GLI3: variants seen among roughly 807,000 people sequenced by gnomAD.
GLI3 encodes the protein transcription activator GLI3.
A neutral mutation model predicts 100.8 loss-of-function variants in GLI3; 20 were observed. The observed-to-expected ratio is 0.20, with a 90% CI of 0.14 to 0.29. The LOEUF (loss-of-function observed/expected upper bound fraction) is 0.29, where lower values mean the gene tolerates loss of function less well. Among genes scored for constraint, GLI3 ranks in the 10% least tolerant of loss-of-function variants. The probability of loss-of-function intolerance (pLI) is 1.00; values close to 1 mark genes in which losing one functional copy is unlikely to be tolerated. For synonymous variants in GLI3, 938 were observed against 860.5 expected (o/e 1.09, Z -1.58); for missense variants, 2,040 against 2,128.5 (o/e 0.96, Z 0.82).
At chr7:42,123,414 G>A (rs538091944) in intron 3 of GLI3, among the ~76,000 whole-genome samples, 1 of 152,204 alleles carries the variant, frequency 6.6e-6, no homozygotes, top group Admixed American at 6.5e-5. Context: ...TATTTTTGTT[G>A]ACAGTACACA....
chr7:42,172,456 C>T, intron 2 of GLI3: 2 of 638,248 alleles, frequency 3.1e-6, no homozygotes, highest in Non-Finnish European at 5.7e-6. Flanking sequence ...AAAGGATAAA[C>T]TTTTTTACAC....
Position 41,964,988 on chromosome 7 carries a change from C to T in GLI3, c.4085G>A (p.Ser1362Asn). The T allele has an allele frequency of 6.2e-7, 1 of 1,613,836 alleles. No homozygotes were observed. The highest frequency in any genetic ancestry group is 8.5e-7 in the Non-Finnish European group (1 of 1,180,042). ...CATGCCGTGAGCCCCTGGCAGGCAG[C>T]TCTCTGGCCCTTGGTAGATGTTGAT... ...SHINIYQGPE[S>N]CLPGAHGMGS... Residue 1362 changes from serine (S) to asparagine (N), a missense_variant, in exon 15 of 15, where the codon AGC becomes AAC. Physicochemically the swap from Ser to Asn is conservative, Grantham distance 46. This residue lies in a region of GLI3 where 1,041 missense variants were observed against 924.0 expected (regional missense o/e 1.13). Coordinates refer to ENST00000395925, the MANE Select transcript of GLI3 (RefSeq NM_000168.6).
chr7:41,961,715 G>A lies in GLI3; in HGVS notation c.*2615C>T, dbSNP rs910267687. The A allele has an allele frequency of 1.3e-5, 2 of 152,088 alleles. No homozygotes were observed. Among genetic ancestry groups the A allele is most frequent in the African/African-American group, 4.8e-5 (2 of 41,394 alleles). 9.4% of individuals were successfully genotyped at this position (152,088 alleles called of 1,614,324 possible). A position where few individuals can be genotyped will look rare whatever the true frequency, so the allele number is the denominator to read the frequency against. On this transcript the variant is annotated 3_prime_UTR_variant, in exon 15 of 15. Transcript: ENST00000395925. ...GGAGAGAGGCTTGGAGGCTGGGGGTGAGTCTCAAGATATGAGATGCCTAGC... is the reference window on the plus strand; with the variant it reads ...GGAGAGAGGCTTGGAGGCTGGGGGTAAGTCTCAAGATATGAGATGCCTAGC...
chr7:42,017,054 C>T (rs1398094242), intron 10 of GLI3, among the ~76,000 whole-genome samples: 1 of 152,240 alleles, frequency 6.6e-6, no homozygotes, highest in Non-Finnish European at 1.5e-5. Context: ...GGGCTCTGCA[C>T]ATCTCATCAA....
chr7:42,206,253 A>T (rs1788150310), intron 2 of GLI3, among the ~76,000 whole-genome samples: 1 of 151,768 alleles, frequency 6.6e-6, no homozygotes, highest in Non-Finnish European at 1.5e-5. Context: ...GGGCAACAGA[A>T]CGAGACCCCA....
chr7:42,067,482 A>G (rs1784698923), intron 4 of GLI3, among the ~76,000 whole-genome samples: 2 of 152,210 alleles, frequency 1.3e-5, no homozygotes, highest in Non-Finnish European at 2.9e-5. Flanking sequence ...CCATCAGATG[A>G]TAGAGATACT....
At chr7:42,096,434 A>T (rs1413569351) in intron 3 of GLI3, among the ~76,000 whole-genome samples, 2 of 152,194 alleles carry the variant, frequency 1.3e-5, no homozygotes, top group African/African-American at 4.8e-5. Context: ...TCCCACCCCT[A>T]AACAGCAGGC....
intron 4 of GLI3, among the ~76,000 whole-genome samples, chr7:42,051,006 G>T (rs1199155920): frequency 6.6e-6 from 1 of 152,146 alleles, no homozygotes; most frequent in South Asian, 2.1e-4. Context: ...TATCAAGTCT[G>T]ATGTCCCTGT....
intron 6 of GLI3, among the ~76,000 whole-genome samples, chr7:42,041,367 G>T (rs147279016): frequency 6.6e-6 from 1 of 152,198 alleles, no homozygotes; most frequent in Non-Finnish European, 1.5e-5. Flanking sequence ...AAATTTGGTA[G>T]ATATTAGAGA....
chr7:42,147,212 GAA>G (rs1786734942), intron 3 of GLI3, among the ~76,000 whole-genome samples: 1 of 152,182 alleles, frequency 6.6e-6, no homozygotes, highest in Non-Finnish European at 1.5e-5. Flanking sequence ...GCCAACTAAT[GAA>G]GGGATGAAAT....
At chr7:42,019,302 C>A (rs776280495) in intron 10 of GLI3, among the ~76,000 whole-genome samples, 1 of 152,200 alleles carries the variant, frequency 6.6e-6, no homozygotes, top group Non-Finnish European at 1.5e-5. Context: ...CAATGTCATG[C>A]ACAACCAAAG....
intron 2 of GLI3, among the ~76,000 whole-genome samples, chr7:42,219,820 G>T (rs1186288248): frequency 1.3e-5 from 2 of 150,742 alleles, no homozygotes; most frequent in Non-Finnish European, 2.9e-5. Flanking sequence ...GAAAATGCAG[G>T]TATCACATTC....
chr7:42,225,863 T>A (rs1788571179), intron 1 of GLI3, among the ~76,000 whole-genome samples: 1 of 152,134 alleles, frequency 6.6e-6, no homozygotes, highest in Non-Finnish European at 1.5e-5. Context: ...ACCTCCCCTT[T>A]CCAGGCTGTA....
At chr7:42,003,243 T>C (rs1369367020) in intron 10 of GLI3, among the ~76,000 whole-genome samples, 1 of 152,196 alleles carries the variant, frequency 6.6e-6, no homozygotes, top group African/African-American at 2.4e-5. Context: ...AAAGTGAATG[T>C]TATAATCTCG....
chr7:42,175,103 T>C (rs1479711301), intron 2 of GLI3, among the ~76,000 whole-genome samples: 2 of 152,090 alleles, frequency 1.3e-5, no homozygotes, highest in African/African-American at 4.8e-5. Context: ...ACCCTGAGAC[T>C]AGCTGATCAA....
In GLI3 at chr7:41,965,516, G is replaced by C. The variant is rs541487979; in HGVS notation, c.3557C>G (p.Pro1186Arg). 5 of 1,606,258 alleles carry C rather than the reference G, an allele frequency of 3.1e-6. No homozygotes were observed. Among genetic ancestry groups the C allele is most frequent in the East Asian group, 2.2e-5 (1 of 44,584 alleles). Residue 1186 changes from proline (P) to arginine (R), a missense_variant, in exon 15 of 15, where the codon CCG becomes CGG. Coordinates refer to ENST00000395925, the MANE Select transcript of GLI3 (RefSeq NM_000168.6). ...KLKCGPRPAV[P>R]QTRAFGFCNG... ...GCAGAACCCAAAGGCGCGAGTCTGC[G>C]GCACAGCGGGCCGCGGCCCACACTT...
intron 4 of GLI3, among the ~76,000 whole-genome samples, chr7:42,070,277 C>T (rs1415484428): frequency 1.3e-5 from 2 of 152,178 alleles, no homozygotes; most frequent in East Asian, 3.9e-4. Context: ...GGTCAAAAGG[C>T]CTGAACGTGG....
intron 12 of GLI3, among the ~76,000 whole-genome samples, chr7:41,974,988 T>TA (rs766495201): frequency 6.6e-5 from 10 of 152,162 alleles, no homozygotes; most frequent in Non-Finnish European, 1.0e-4. Flanking sequence ...AACTGACACT[T>TA]ACACAACCTT....
chr7:42,041,843 A>C (rs1049343986), intron 6 of GLI3, among the ~76,000 whole-genome samples: 17 of 152,218 alleles, frequency 1.1e-4, no homozygotes, highest in African/African-American at 3.6e-4. Flanking sequence ...AAATTTACTA[A>C]GTTAGTGCCA....
Sources: gnomAD v4.1 joint callset for allele counts (sites outside exome capture counted in the v4.1 genomes callset) on GRCh38, gnomAD v4.1.1 for gene constraint, gnomAD v4.1.1 regional missense constraint, MANE v1.5 for transcripts, NCBI Gene and HGNC (gene_info 2026-07-23, HGNC 2026-07-21) for gene names.